Variants in CSTA observed in about 807,000 individuals in gnomAD.
CSTA encodes the protein cystatin-A.
A neutral mutation model predicts 9.2 loss-of-function variants in CSTA; 9 were observed. That is an observed-to-expected ratio of 0.97 (90% CI 0.59 to 1.70). The LOEUF is 1.70. Ranked by LOEUF, CSTA falls within the 40% of genes most tolerant of loss-of-function variation. CSTA has a pLI of 0.00. For synonymous variants in CSTA, 36 were observed against 40.6 expected (o/e 0.89, Z 0.43); for missense variants, 118 against 113.1 (o/e 1.04, Z -0.20).
chr3:122,339,917 T>A (rs2075256296), intron 2 of CSTA, among the ~76,000 whole-genome samples: 2 of 152,216 alleles, frequency 1.3e-5, no homozygotes, highest in South Asian at 4.1e-4. Context: ...AGATCTGGGT[T>A]TGAATATTGG....
Position 122,341,910 on chromosome 3 carries a change from G to T in CSTA, c.*343G>T. The T allele has an allele frequency of 3.2e-6, 1 of 312,800 alleles. No individual in the cohort carries two copies. 19.4% of individuals were successfully genotyped at this position (312,800 alleles called of 1,614,324 possible). A position where few individuals can be genotyped will look rare whatever the true frequency, so the allele number is the denominator to read the frequency against. On this transcript the variant is annotated 3_prime_UTR_variant, in exon 3 of 3. Coordinates refer to ENST00000264474, the MANE Select transcript of CSTA (RefSeq NM_005213.4). ...AGCCTCCTTGTTCCCTGTGGCTGCT[G>T]ATAACCCAACATTCCATCTCTACCC...
rs756511737 is a variant in CSTA, at chr3:122,325,325, C to T, written c.33C>T (p.Pro11=). The T allele has an allele frequency of 8.2e-5, 133 of 1,614,042 alleles. No individual in the cohort carries two copies. The highest frequency in any genetic ancestry group is 1.1e-4 in the Non-Finnish European group (124 of 1,180,032). MIPGGLSEAK[P]ATPEIQEIVD... is the part of the protein sequence containing the mutation. The stretch of plus-strand genomic sequence containing the variant: ...CTGGAGGCTTATCTGAGGCCAAACC[C>T]GCCACTCCAGAAATCCAGGAGATTG... Residue 11 remains proline, a synonymous_variant, in exon 1 of 3, where the codon CCC becomes CCT. Coordinates refer to ENST00000264474, the MANE Select transcript of CSTA (RefSeq NM_005213.4).
intron 1 of CSTA, among the ~76,000 whole-genome samples, chr3:122,329,492 G>A (rs2075191348): frequency 6.6e-6 from 1 of 152,100 alleles, no homozygotes; most frequent in African/African-American, 2.4e-5. Flanking sequence ...CTTGCACTCA[G>A]GAAGTTGAGG....
intron 1 of CSTA, 71 bp downstream of exon 1, chr3:122,325,429 TGTG>T: frequency 6.9e-7 from 1 of 1,455,198 alleles, no homozygotes; most frequent in Non-Finnish European, 9.6e-7. Context: ...GTGGAAAGGC[TGTG>T]GTTGAACATG....
At chr3:122,333,084 C>T (rs182592196) in intron 1 of CSTA, among the ~76,000 whole-genome samples, 1 of 152,330 alleles carries the variant, frequency 6.6e-6, no homozygotes, top group East Asian at 1.9e-4. Flanking sequence ...CACAGTCTGA[C>T]AGGTGCCAGA....
At chr3:122,329,060 G>A (rs113677853) in intron 1 of CSTA, among the ~76,000 whole-genome samples, 14,080 of 151,116 alleles carry the variant, frequency 0.093, 1,302 homozygotes, top group East Asian at 0.45. Context: ...CCGCCTCCCG[G>A]GTTCACGCCA....
chr3:122,335,300 G>C (rs1459544507), intron 1 of CSTA, among the ~76,000 whole-genome samples: 2 of 152,174 alleles, frequency 1.3e-5, no homozygotes, highest in Non-Finnish European at 2.9e-5. Context: ...CACAGCAAAA[G>C]AGACTTTGCA....
At chr3:122,338,999 C>A (rs2075250276) in intron 2 of CSTA, among the ~76,000 whole-genome samples, 1 of 152,056 alleles carries the variant, frequency 6.6e-6, no homozygotes, top group Non-Finnish European at 1.5e-5. Context: ...GGATCTCAGC[C>A]ACCGATCCCA....
chr3:122,327,268 A>T (rs4678184), intron 1 of CSTA, among the ~76,000 whole-genome samples: 1 of 150,744 alleles, frequency 6.6e-6, no homozygotes, highest in Admixed American at 6.6e-5. Context: ...AGTGGCTCAC[A>T]CCTGTAATCC....
chr3:122,336,318 G>T (rs1420753748), intron 1 of CSTA, among the ~76,000 whole-genome samples: 1 of 152,152 alleles, frequency 6.6e-6, no homozygotes, highest in Admixed American at 6.5e-5. Flanking sequence ...AGAAAGTAAG[G>T]AAGTGCTTAT....
In CSTA at chr3:122,341,480, C is replaced by A. The variant is rs1000509694; in HGVS notation, c.210C>A (p.Phe70Leu). The A allele has an allele frequency of 6.2e-7, 1 of 1,613,756 alleles. No homozygotes were observed. The highest frequency in any genetic ancestry group is 8.5e-7 in the Non-Finnish European group (1 of 1,179,882). ...ATAAATATATGCACTTGAAAGTATT[C>A]AAAAGTCTTCCCGGACAAAATGAGG... is the stretch of plus-strand genomic sequence containing the variant. ...GDNKYMHLKVFKSLPGQNEDL... is the reference protein window; with the variant it reads ...GDNKYMHLKVLKSLPGQNEDL... The change falls in exon 3 of 3, where the codon TTC becomes TTA. Residue 70 changes from phenylalanine to leucine, a missense_variant. By Grantham distance (22) the Phe-to-Leu change is conservative. Transcript: ENST00000264474.
At chr3:122,325,594 C>T (rs182129003) in intron 1 of CSTA, among the ~76,000 whole-genome samples, 1 of 152,296 alleles carries the variant, frequency 6.6e-6, no homozygotes, top group Admixed American at 6.5e-5. Flanking sequence ...TCATTTTCTC[C>T]ATGGGTAAAA....
chr3:122,331,260 C>T (rs569134187), intron 1 of CSTA, among the ~76,000 whole-genome samples: 1 of 152,046 alleles, frequency 6.6e-6, no homozygotes, highest in East Asian at 1.9e-4. Context: ...CCTGGGCACA[C>T]CCTGGAACTT....
chr3:122,341,606 T>C lies in CSTA; in HGVS notation c.*39T>C. The C allele has an allele frequency of 6.2e-7, 1 of 1,612,954 alleles. No homozygotes were observed. The highest frequency in any genetic ancestry group is 1.7e-5 in the Admixed American group (1 of 60,020). ...AAGTGTTCTGATTCCTTCAACTGGC[T>C]ACTGAGTCATGATCCTTGCTGATAA... On this transcript the variant is annotated 3_prime_UTR_variant, in exon 3 of 3. Coordinates refer to ENST00000264474, the MANE Select transcript of CSTA (RefSeq NM_005213.4).
chr3:122,328,398 G>T lies in CSTA; in HGVS notation c.66+3040G>T, dbSNP rs372667834. Among the ~76,000 whole-genome samples the T allele has an allele frequency of 4.6e-5, 7 of 151,628 alleles. 1 individual carries two copies. The highest frequency in any genetic ancestry group is 3.9e-4 in the East Asian group (2 of 5,122). ...TGCCTGTAATCCCAGCTACCCAGAG[G>T]CTGAGGCAGGAGAATCACTTGAACC... On this transcript the variant is annotated intron_variant, in intron 1 of 2. Transcript: ENST00000264474.
At chr3:122,334,034 T>C (rs2075223074) in intron 1 of CSTA, among the ~76,000 whole-genome samples, 1 of 152,214 alleles carries the variant, frequency 6.6e-6, no homozygotes, top group South Asian at 2.1e-4. Flanking sequence ...CCTTTGGAAT[T>C]TTGAAAGGCT....
At chr3:122,330,999 C>A (rs1294832107) in intron 1 of CSTA, among the ~76,000 whole-genome samples, 1 of 151,878 alleles carries the variant, frequency 6.6e-6, no homozygotes, top group Non-Finnish European at 1.5e-5. Context: ...TGTTAATAAG[C>A]ATTTTGATGA....
intron 1 of CSTA, among the ~76,000 whole-genome samples, chr3:122,327,528 C>CAAAAAAAAA: frequency 2.3e-5 from 1 of 44,092 alleles, no homozygotes; most frequent in East Asian, 5.3e-4. Context: ...GACTCCGTCT[C>CAAAAAAAAA]AAAAAAAAAA....
At chr3:122,327,528 C>CA (rs59568582) in intron 1 of CSTA, among the ~76,000 whole-genome samples, 12,506 of 42,790 alleles carry the variant, frequency 0.29, 2,724 homozygotes, top group East Asian at 0.84. Flanking sequence ...GACTCCGTCT[C>CA]AAAAAAAAAA....
Sources: allele counts gnomAD v4.1 joint callset (sites outside exome capture counted in the v4.1 genomes callset), GRCh38; gene constraint gnomAD v4.1.1; transcripts MANE v1.5; gene names NCBI Gene and HGNC (gene_info 2026-07-23, HGNC 2026-07-21).